Variants in CAST observed in about 807,000 individuals in gnomAD.
CAST encodes the protein MIR583 host.
Under a neutral mutation model 119.6 loss-of-function variants are expected in CAST, and 76 were observed. The ratio of observed to expected loss-of-function variants is 0.64; its 90% CI spans 0.53 to 0.77. CAST has a LOEUF of 0.77. Among genes scored for constraint, CAST ranks in the 30% least tolerant of loss-of-function variants. The probability of loss-of-function intolerance (pLI) is 0.00; values close to 1 mark genes in which losing one functional copy is unlikely to be tolerated. For missense variants in CAST, 953 were observed against 946.5 expected (o/e 1.01, Z -0.09); for synonymous variants, 319 against 331.6 (o/e 0.96, Z 0.41).
intron 1 of CAST, among the ~76,000 whole-genome samples, chr5:96,667,057 G>T (rs1178466473): frequency 6.6e-6 from 1 of 152,104 alleles, no homozygotes; most frequent in Non-Finnish European, 1.5e-5. Context: ...AAGGCGGGGG[G>T]CAGGGGGAAG....
At chr5:96,303,438 C>T in the CAST span, among the ~76,000 whole-genome samples, 13 of 150,006 alleles carry the variant, frequency 8.7e-5, no homozygotes, top group Admixed American at 3.3e-4. Context: ...AATAGTTTCA[C>T]TTCCTTTCAT....
At chr5:96,283,102 C>T in the CAST span, among the ~76,000 whole-genome samples, 3 of 138,908 alleles carry the variant, frequency 2.2e-5, no homozygotes, top group African/African-American at 8.4e-5. Context: ...TGCACTCCCA[C>T]CTGGGCCACA....
chr5:96,439,491 T>C, the CAST span, among the ~76,000 whole-genome samples: 1 of 152,212 alleles, frequency 6.6e-6, no homozygotes, highest in African/African-American at 2.4e-5. Context: ...GACATTAGGA[T>C]GCAAATAGGT....
the CAST span, among the ~76,000 whole-genome samples, chr5:96,238,346 C>CTTCTTCTTCTT: frequency 7.9e-6 from 1 of 127,078 alleles, no homozygotes; most frequent in African/African-American, 3.2e-5. Context: ...TCTTCTTCTT[C>CTTCTTCTTCTT]ATCTTCATCT....
chr5:96,764,273 T>G (rs1406767101), intron 25 of CAST, among the ~76,000 whole-genome samples: 1 of 152,200 alleles, frequency 6.6e-6, no homozygotes. Context: ...CATTTACTTT[T>G]CTCAGCAACT....
chr5:96,611,989 C>T (rs767808871), intron 1 of CAST, among the ~76,000 whole-genome samples: 7 of 152,082 alleles, frequency 4.6e-5, no homozygotes, highest in Non-Finnish European at 7.4e-5. Flanking sequence ...TATACACTGT[C>T]GATGGAAATG....
At chr5:96,467,991 G>A in the CAST span, among the ~76,000 whole-genome samples, 2 of 152,000 alleles carry the variant, frequency 1.3e-5, no homozygotes, top group Admixed American at 6.6e-5. Flanking sequence ...ACCTAAGCGC[G>A]CATCAACTGA....
At chr5:95,982,096 T>C in the CAST span, among the ~76,000 whole-genome samples, 4 of 151,828 alleles carry the variant, frequency 2.6e-5, no homozygotes, top group Non-Finnish European at 4.4e-5. Context: ...TGTAATACAT[T>C]TTATATGTAA....
the CAST span, among the ~76,000 whole-genome samples, chr5:96,364,621 A>G: frequency 5.3e-5 from 8 of 152,198 alleles, no homozygotes; most frequent in African/African-American, 1.7e-4. Flanking sequence ...AGAGCTGTTT[A>G]TAGTATTCTC....
the CAST span, among the ~76,000 whole-genome samples, chr5:96,259,086 G>T: frequency 1.3e-5 from 2 of 152,146 alleles, no homozygotes; most frequent in Non-Finnish European, 2.9e-5. Flanking sequence ...GAAGGGGAAA[G>T]TATGTTTTTA....
the CAST span, chr5:96,412,267 T>C: frequency 4.2e-6 from 6 of 1,426,026 alleles, no homozygotes; most frequent in South Asian, 4.6e-5. Context: ...CTTCTCCTCA[T>C]ATCCAGATGG....
intron 1 of CAST, among the ~76,000 whole-genome samples, chr5:96,611,335 G>A (rs114298788): frequency 3.3e-5 from 5 of 152,120 alleles, no homozygotes; most frequent in African/African-American, 1.2e-4. Context: ...TTTAACAAAA[G>A]GTGACAAAAA....
At chr5:96,238,106 TAAAG>T in the CAST span, among the ~76,000 whole-genome samples, 1 of 151,958 alleles carries the variant, frequency 6.6e-6, no homozygotes, top group African/African-American at 2.4e-5. Context: ...AACAAGAAAA[TAAAG>T]AACACTCATA....
At chr5:96,164,898 C>T in the CAST span, among the ~76,000 whole-genome samples, 72 of 152,126 alleles carry the variant, frequency 4.7e-4, no homozygotes, top group Middle Eastern at 3.4e-3. Flanking sequence ...ATTCTGGAAT[C>T]GTGCAGAGCC....
chr5:96,444,215 C>T, the CAST span, among the ~76,000 whole-genome samples: 1 of 152,130 alleles, frequency 6.6e-6, no homozygotes, highest in African/African-American at 2.4e-5. Flanking sequence ...CTAGGTTATG[C>T]CTTCACTTCT....
the CAST span, among the ~76,000 whole-genome samples, chr5:96,245,677 A>T: frequency 6.6e-6 from 1 of 151,956 alleles, no homozygotes; most frequent in African/African-American, 2.4e-5. Context: ...AATACCAAAG[A>T]AGCATAACTA....
At chr5:95,990,596 G>C in the CAST span, among the ~76,000 whole-genome samples, 4 of 151,874 alleles carry the variant, frequency 2.6e-5, no homozygotes, top group African/African-American at 9.7e-5. Flanking sequence ...AAAGAAATTA[G>C]AGTTGAGCTC....
intron 1 of CAST, among the ~76,000 whole-genome samples, chr5:96,600,690 T>C (rs1355253636): frequency 6.6e-6 from 1 of 152,184 alleles, no homozygotes; most frequent in Non-Finnish European, 1.5e-5. Context: ...TTTCTGCATA[T>C]CCTAATCCTC....
At chr5:96,345,060 T>A in the CAST span, among the ~76,000 whole-genome samples, 1 of 152,164 alleles carries the variant, frequency 6.6e-6, no homozygotes, top group Admixed American at 6.5e-5. Context: ...AATTTGTATT[T>A]TGCACATCGC....
Sources: allele counts gnomAD v4.1 joint callset (sites outside exome capture counted in the v4.1 genomes callset), GRCh38; gene constraint gnomAD v4.1.1; transcripts MANE v1.5; gene names NCBI Gene and HGNC (gene_info 2026-07-23, HGNC 2026-07-21).